PRKCH: variants seen among roughly 807,000 people sequenced by gnomAD.
PRKCH encodes the protein protein kinase C eta type.
A neutral mutation model predicts 82.5 loss-of-function variants in PRKCH; 28 were observed. The ratio of observed to expected loss-of-function variants is 0.34; its 90% CI spans 0.25 to 0.47. PRKCH has a LOEUF of 0.47. Among genes scored for constraint, PRKCH ranks in the 20% least tolerant of loss-of-function variants. The probability of loss-of-function intolerance (pLI) is 1.00; values close to 1 mark genes in which losing one functional copy is unlikely to be tolerated. For missense variants in PRKCH, 705 were observed against 881.8 expected (o/e 0.80, Z 2.54); for synonymous variants, 322 against 327.4 (o/e 0.98, Z 0.18).
At chr14:61,413,597 G>C (rs185383232) in intron 2 of PRKCH, among the ~76,000 whole-genome samples, 1 of 152,040 alleles carries the variant, frequency 6.6e-6, no homozygotes, top group Non-Finnish European at 1.5e-5. Flanking sequence ...CTAAAGACCT[G>C]TGCTTCCTCA....
chr14:61,476,045 G>A lies in PRKCH; in HGVS notation c.1279-9457G>A, dbSNP rs142908837. Among the ~76,000 whole-genome samples the A allele has an allele frequency of 1.5e-3, 225 of 152,296 alleles. 1 individual carries two copies. The highest frequency in any genetic ancestry group is 5.2e-3 in the African/African-American group (217 of 41,556). On this transcript the variant is annotated intron_variant, in intron 9 of 13. Coordinates refer to ENST00000332981, the MANE Select transcript of PRKCH (RefSeq NM_006255.5). ...TCAAAGCTTTATAAAGGAAAATATAGCATCAGCAGACCTGATTGTCCTACT... is the reference window on the plus strand; with the variant it reads ...TCAAAGCTTTATAAAGGAAAATATAACATCAGCAGACCTGATTGTCCTACT...
At chr14:61,424,230 T>C (rs1882998482) in intron 2 of PRKCH, among the ~76,000 whole-genome samples, 1 of 152,202 alleles carries the variant, frequency 6.6e-6, no homozygotes, top group African/African-American at 2.4e-5. Context: ...TATAGTAAAT[T>C]GGTACTGATA....
chr14:61,397,873 A>G (rs780851402), intron 2 of PRKCH, among the ~76,000 whole-genome samples: 10 of 152,176 alleles, frequency 6.6e-5, no homozygotes, highest in Non-Finnish European at 1.5e-4. Context: ...AGATGAACCT[A>G]CTCAAAACCT....
chr14:61,402,382 A>G (rs7145604), intron 2 of PRKCH, among the ~76,000 whole-genome samples: 1 of 152,234 alleles, frequency 6.6e-6, no homozygotes. Context: ...GAATATCTGC[A>G]ATTATCTGAA....
chr14:61,273,854 C>T (rs925452590), intron 1 of PRKCH, among the ~76,000 whole-genome samples: 1 of 152,122 alleles, frequency 6.6e-6, no homozygotes, highest in African/African-American at 2.4e-5. Context: ...ACAAAATGTT[C>T]ACTGGTAAGA....
upstream of PRKCH, among the ~76,000 whole-genome samples, chr14:61,319,926 A>G (rs566815412): frequency 6.6e-6 from 1 of 152,302 alleles, no homozygotes; most frequent in South Asian, 2.1e-4. Context: ...TTCATTCTGT[A>G]TAGTGCTGTT....
At chr14:61,492,034 AAG>A (rs768469453) in intron 10 of PRKCH, among the ~76,000 whole-genome samples, 42 of 152,208 alleles carry the variant, frequency 2.8e-4, no homozygotes, top group Non-Finnish European at 5.4e-4. Flanking sequence ...GGTCACGGTA[AAG>A]AGGGAAGGAA....
chr14:61,485,399 T>A, intron 9 of PRKCH, 103 bp from the exon 10 acceptor site: 1 of 1,401,366 alleles, frequency 7.1e-7, no homozygotes, highest in Non-Finnish European at 9.8e-7. Flanking sequence ...TACATCCACT[T>A]GACAGTGTCC....
At chr14:61,357,546 GTC>G (rs2046167045) in intron 1 of PRKCH, among the ~76,000 whole-genome samples, 1 of 152,070 alleles carries the variant, frequency 6.6e-6, no homozygotes, top group African/African-American at 2.4e-5. Context: ...ATGTGTTACT[GTC>G]TCTTTCTCCT....
chr14:61,453,141 T>A (rs1464368517), intron 6 of PRKCH, 85 bp from the exon 7 acceptor site: 2 of 1,525,474 alleles, frequency 1.3e-6, no homozygotes, highest in Non-Finnish European at 1.8e-6. Flanking sequence ...TGTTATAATC[T>A]TTTAGGCTAT....
At chr14:61,393,109 ATC>A (rs1308757627) in intron 2 of PRKCH, among the ~76,000 whole-genome samples, 2 of 151,706 alleles carry the variant, frequency 1.3e-5, no homozygotes, top group Non-Finnish European at 2.9e-5. Context: ...TGTCCATCTG[ATC>A]TCTCTTTCTT....
chr14:61,445,207 C>T (rs556409962), intron 3 of PRKCH, among the ~76,000 whole-genome samples: 1 of 152,382 alleles, frequency 6.6e-6, no homozygotes, highest in African/African-American at 2.4e-5. Flanking sequence ...GTGGCAGCAA[C>T]TCTGCCCACC....
intron 1 of PRKCH, among the ~76,000 whole-genome samples, chr14:61,295,011 A>G (rs1242589971): frequency 6.6e-6 from 1 of 152,020 alleles, no homozygotes; most frequent in Non-Finnish European, 1.5e-5. Context: ...TAGCTGGGAC[A>G]TGCACCACTA....
At chr14:61,496,476 T>G (rs747979209) in intron 10 of PRKCH, among the ~76,000 whole-genome samples, 8 of 152,182 alleles carry the variant, frequency 5.3e-5, no homozygotes, top group Non-Finnish European at 1.0e-4. Context: ...CCCCATCTCT[T>G]TGCCAAGCTT....
At chr14:61,387,541 C>T (rs1337219395) in intron 1 of PRKCH, among the ~76,000 whole-genome samples, 3 of 152,092 alleles carry the variant, frequency 2.0e-5, no homozygotes, top group Non-Finnish European at 4.4e-5. Context: ...AAAGATCTGT[C>T]TATATTGTAC....
At chr14:61,433,075 G>A (rs1883499776) in intron 2 of PRKCH, among the ~76,000 whole-genome samples, 1 of 139,012 alleles carries the variant, frequency 7.2e-6, no homozygotes, top group African/African-American at 3.0e-5. Context: ...TCAAAAAATG[G>A]TGGCCGAGGT....
At chr14:61,378,296 T>C (rs1401100378) in intron 1 of PRKCH, among the ~76,000 whole-genome samples, 1 of 151,150 alleles carries the variant, frequency 6.6e-6, no homozygotes, top group African/African-American at 2.4e-5. Context: ...CACTGCAGCC[T>C]CCAACTCCAG....
At chr14:61,534,331 G>A (rs887276212) in intron 12 of PRKCH, among the ~76,000 whole-genome samples, 1 of 152,208 alleles carries the variant, frequency 6.6e-6, no homozygotes, top group African/African-American at 2.4e-5. Context: ...ATCAACAGAT[G>A]AATAGATAAG....
chr14:61,288,642 G>T (rs1383161839), intron 1 of PRKCH, among the ~76,000 whole-genome samples: 2 of 152,148 alleles, frequency 1.3e-5, no homozygotes, highest in African/African-American at 4.8e-5. Flanking sequence ...GTTCTGTGAG[G>T]ATGGCTGCAT....
Sources: allele counts gnomAD v4.1 joint callset (sites outside exome capture counted in the v4.1 genomes callset), GRCh38; gene constraint gnomAD v4.1.1; transcripts MANE v1.5; gene names NCBI Gene and HGNC (gene_info 2026-07-23, HGNC 2026-07-21).